The following ABCA9 variants were observed in gnomAD, a reference collection of about 807,000 sequenced individuals.
The protein encoded by ABCA9 is ATP-binding cassette sub-family A member 9.
ABCA9 carries 183 observed loss-of-function variants against 205.3 expected under a neutral mutation model. The ratio of observed to expected loss-of-function variants is 0.89; its 90% confidence interval spans 0.79 to 1.01. The LOEUF (loss-of-function observed/expected upper bound fraction) is 1.01. Ranked by LOEUF, ABCA9 falls within the 50% of genes least tolerant of loss-of-function variation. The pLI, the probability that ABCA9 is intolerant of heterozygous loss-of-function variation, is 0.00. For synonymous variants in ABCA9, 651 were observed against 683.3 expected, an observed-to-expected ratio of 0.95 and a Z score of 0.74; for missense variants, 1,805 against 1,912.4, an observed-to-expected ratio of 0.94 and a Z score of 1.05.
At chr17:69,074,016 G>A in the ABCA9 span, among the ~76,000 whole-genome samples, 2 of 151,942 alleles carry the variant, frequency 1.3e-5, no homozygotes, top group Non-Finnish European at 2.9e-5. Context: ...TTCTTATTAT[G>A]CTATAACCAG....
upstream of ABCA9, chr17:69,060,953 GT>G (rs1201812580): frequency 9.1e-6 from 9 of 985,358 alleles, no homozygotes; most frequent in East Asian, 3.4e-4. Context: ...TTCCTTTTGG[GT>G]CACTACTACA....
Position 69,044,552 on chromosome 17 carries a change from A to T in ABCA9, c.518T>A (p.Phe173Tyr), listed in dbSNP as rs781010085. The T allele has an allele frequency of 1.2e-6, 2 of 1,613,336 alleles. No homozygotes were observed. Among genetic ancestry groups the T allele is most frequent in the Non-Finnish European group, 8.5e-7 (1 of 1,179,606 alleles). The part of the protein sequence containing the change: ...NEKMKCEGSE[F>Y]WEKGFVAFQA... ...AAAAGCTACAAAGCCTTTCTCCCAGAACTCTGAACCTTCACACTTCATTTT... is the reference window on the plus strand; with the variant it reads ...AAAAGCTACAAAGCCTTTCTCCCAGTACTCTGAACCTTCACACTTCATTTT... The change falls in exon 5 of 39, where the codon TTC (phenylalanine) becomes TAC (tyrosine). Residue 173 changes from phenylalanine to tyrosine, a missense_variant. Phe to Tyr is a conservative substitution (Grantham distance 22, BLOSUM62 3). Coordinates refer to ENST00000340001, the MANE Select transcript of ABCA9 (RefSeq NM_080283.4).
chr17:68,974,860 T>G lies in ABCA9; in HGVS notation c.*1055A>C, dbSNP rs2068859047. The G allele has an allele frequency of 6.6e-6, 1 of 152,218 alleles. No homozygotes were observed. The highest frequency in any genetic ancestry group is 1.5e-5 in the Non-Finnish European group (1 of 68,038). 9.4% of individuals were successfully genotyped at this position (152,218 alleles called of 1,614,324 possible). A position where few individuals can be genotyped will look rare whatever the true frequency, so the allele number is the denominator to read the frequency against. On this transcript the variant is annotated 3_prime_UTR_variant, in exon 39 of 39. Coordinates refer to ENST00000340001, the MANE Select transcript of ABCA9 (RefSeq NM_080283.4). ...CAGGTTCTTACTGAAATTATTTATT[T>G]ATTTTTATTATACTTTAAGTTCTGG...
At chr17:68,994,082 G>T (rs146162448) in intron 26 of ABCA9, among the ~76,000 whole-genome samples, 208 of 152,246 alleles carry the variant, frequency 1.4e-3, no homozygotes, top group Middle Eastern at 3.4e-3. Flanking sequence ...CACCATGTTG[G>T]CCAGGCTGGT....
chr17:69,020,668 A>T (rs907912253), intron 18 of ABCA9, 82 bp from the exon 19 acceptor site: 14 of 1,309,206 alleles, frequency 1.1e-5, no homozygotes, highest in Non-Finnish European at 1.5e-5. Flanking sequence ...TTTTCCTACA[A>T]AGGTGTCAAA....
At chr17:69,045,070 G>T in intron 4 of ABCA9, 102 bp downstream of exon 4, 1 of 860,800 alleles carries the variant, frequency 1.2e-6, no homozygotes, top group Non-Finnish European at 1.7e-6. Context: ...TCTATGTTGT[G>T]GTTGTATATG....
chr17:69,048,562 C>G (rs1326709527), intron 3 of ABCA9, among the ~76,000 whole-genome samples: 1 of 152,076 alleles, frequency 6.6e-6, no homozygotes. Context: ...AGTGTGACTC[C>G]CAAGTTTTAA....
Position 69,028,525 on chromosome 17 carries a change from GTCT to G in ABCA9, c.1615+7_1615+9del, listed in dbSNP as rs1179031834. ...TCCAGGTACTTGTCCTTGGATAACTGTCTTCTTACCTGATGTTGGAACTGACAA... is the reference window on the plus strand; with the variant it reads ...TCCAGGTACTTGTCCTTGGATAACTGTCTTACCTGATGTTGGAACTGACAA... On this transcript the variant is annotated splice_region_variant and intron_variant, in intron 12 of 38. Coordinates refer to ENST00000340001, the MANE Select transcript of ABCA9 (RefSeq NM_080283.4). The G allele has an allele frequency of 1.3e-6, 2 of 1,550,668 alleles. No homozygotes were observed. The highest frequency in any genetic ancestry group is 4.5e-5 in the East Asian group (2 of 44,084).
chr17:69,071,102 T>C, the ABCA9 span, among the ~76,000 whole-genome samples: 1 of 152,198 alleles, frequency 6.6e-6, no homozygotes, highest in African/African-American at 2.4e-5. Flanking sequence ...CAGGGGCTTA[T>C]AGATAAAACT....
intron 6 of ABCA9, 51 bp from the exon 7 acceptor site, chr17:69,035,852 C>A (rs371812994): frequency 2.8e-4 from 431 of 1,559,438 alleles, no homozygotes; most frequent in East Asian, 2.1e-3. Context: ...TCATCACTTC[C>A]TTGATTCATT....
At position 69,016,248 on chromosome 17, in the gene ABCA9, C is replaced by A. The variant is rs777038770; in HGVS notation, c.3039+5G>T. ...ACAGTATAAATGAGATATAATTATA[C>A]TTACTTCAAAAAATGTGCTTCTGTC... On this transcript the variant is annotated splice_donor_5th_base_variant and intron_variant, in intron 22 of 38. Transcript: ENST00000340001. 7 of 1,566,058 alleles carry A rather than the reference C, an allele frequency of 4.5e-6. No homozygotes were observed. Among genetic ancestry groups the A allele is most frequent in the South Asian group, 1.2e-5 (1 of 82,624 alleles).
At chr17:69,007,986 G>T in intron 24 of ABCA9, 76 bp downstream of exon 24, 1 of 1,474,044 alleles carries the variant, frequency 6.8e-7, no homozygotes, top group Non-Finnish European at 9.3e-7. Flanking sequence ...GAAGTTCTTT[G>T]GTTTAAGATT....
intron 22 of ABCA9, among the ~76,000 whole-genome samples, chr17:69,013,380 C>G (rs746719700): frequency 2.6e-5 from 4 of 152,090 alleles, no homozygotes; most frequent in African/African-American, 4.8e-5. Flanking sequence ...CTCAGCACCC[C>G]TCTGAGACAT....
At chr17:69,064,104 G>A (rs2072317766), upstream of ABCA9, among the ~76,000 whole-genome samples, 1 of 152,096 alleles carries the variant, frequency 6.6e-6, no homozygotes, top group South Asian at 2.1e-4. Flanking sequence ...CCATGGGCAG[G>A]GCAGGGAAGG....
At chr17:68,988,735 A>T (rs1243857181) in intron 31 of ABCA9, among the ~76,000 whole-genome samples, 1 of 152,204 alleles carries the variant, frequency 6.6e-6, no homozygotes, top group East Asian at 1.9e-4. Flanking sequence ...TAAATTCGAC[A>T]AAGTTCATGG....
intron 38 of ABCA9, 49 bp from the exon 39 acceptor site, chr17:68,976,062 T>A: frequency 6.2e-7 from 1 of 1,604,792 alleles, no homozygotes; most frequent in Non-Finnish European, 8.5e-7. Flanking sequence ...CCATACTGCC[T>A]CCTGCAGCTC....
At chr17:69,015,639 C>G (rs2070562291) in intron 22 of ABCA9, among the ~76,000 whole-genome samples, 1 of 152,116 alleles carries the variant, frequency 6.6e-6, no homozygotes, top group Admixed American at 6.6e-5. Flanking sequence ...CTGCAGTTGT[C>G]CTATTTTAGG....
At position 69,060,881 on chromosome 17, in the gene ABCA9, A is replaced by G. The variant is rs1439493079; in HGVS notation, c.-29T>C. The G allele has an allele frequency of 1.0e-6, 1 of 985,470 alleles. No homozygotes were observed. The highest frequency in any genetic ancestry group is 1.2e-6 in the Non-Finnish European group (1 of 829,946). 61.0% of individuals were successfully genotyped at this position (985,470 alleles called of 1,614,324 possible). A position where few individuals can be genotyped will look rare whatever the true frequency, so the allele number is the denominator to read the frequency against. ...GTTAACTTACTCTCAGGAAAGCTGG[A>G]GGAAAAATCTAGAAACACAGTTCAT... On this transcript the variant is annotated 5_prime_UTR_variant, in exon 1 of 39. Coordinates refer to ENST00000340001, the MANE Select transcript of ABCA9 (RefSeq NM_080283.4).
intron 23 of ABCA9, 141 bp from the exon 24 acceptor site, chr17:69,008,376 C>T (rs546840988): frequency 2.2e-5 from 16 of 718,750 alleles, no homozygotes; most frequent in African/African-American, 1.1e-4. Context: ...TACCACCACT[C>T]GCCACACCCT....
Sources: gnomAD v4.1 joint callset for allele counts (sites outside exome capture counted in the v4.1 genomes callset) on GRCh38, gnomAD v4.1.1 for gene constraint, MANE v1.5 for transcripts, NCBI Gene and HGNC (gene_info 2026-07-23, HGNC 2026-07-21) for gene names.